Variants in GFOD1 observed in about 807,000 individuals in gnomAD.
GFOD1 encodes Gfo/Idh/MocA-like oxidoreductase domain containing 1.
A neutral mutation model predicts 25.4 loss-of-function variants in GFOD1; 9 were observed. That is an observed-to-expected ratio of 0.35 (90% CI 0.21 to 0.62). The LOEUF (loss-of-function observed/expected upper bound fraction) is 0.62. GFOD1 is among the 20% of genes least tolerant of loss of function. The pLI is 0.72. For missense variants in GFOD1, 403 were observed against 556.9 expected (o/e 0.72, Z 2.78); for synonymous variants, 253 against 245.6 (o/e 1.03, Z -0.28).
At chr6:13,469,735 A>T (rs965536185) in intron 1 of GFOD1, 15 of 1,172,460 alleles carry the variant, frequency 1.3e-5, no homozygotes, top group Non-Finnish European at 1.5e-5. Context: ...TTCAAATGTG[A>T]AAATAATACA....
chr6:13,364,717 C>T lies in GFOD1; in HGVS notation c.*26G>A, dbSNP rs759491246. On this transcript the variant is annotated 3_prime_UTR_variant, in exon 2 of 2. Transcript: ENST00000379287. This position sits in a 1 kb window ranked among gnomAD's most constrained non-coding sequence, Gnocchi z 4.1. ...CTGTGGACATCCCCTGCAGAAGGCT[C>T]AAGTCCCCGAGGTTCTCAATCTGTG... 1.7e-5 allele frequency: 27 copies of T among 1,580,768 alleles called. No individual in the cohort carries two copies. Among genetic ancestry groups the T allele is most frequent in the Non-Finnish European group, 2.2e-5 (25 of 1,159,662 alleles).
chr6:13,439,880 T>C (rs1178645555), intron 1 of GFOD1, among the ~76,000 whole-genome samples: 3 of 152,202 alleles, frequency 2.0e-5, no homozygotes, highest in Non-Finnish European at 4.4e-5. Context: ...TGCTCTAGGA[T>C]ACAGCCTGGG....
intron 1 of GFOD1, among the ~76,000 whole-genome samples, chr6:13,368,433 A>C (rs939469770): frequency 1.3e-5 from 2 of 152,238 alleles, no homozygotes; most frequent in African/African-American, 2.4e-5. Context: ...CCTGTGTAAC[A>C]TTATGTTCTG....
Position 13,460,539 on chromosome 6 carries a change from T to C in GFOD1, c.253+26099A>G, listed in dbSNP as rs190815437. Among the ~76,000 whole-genome samples the C allele has an allele frequency of 2.4e-3, 365 of 152,316 alleles. 1 individual carries two copies. The highest frequency in any genetic ancestry group is 4.1e-3 in the Non-Finnish European group (281 of 68,028). On this transcript the variant is annotated intron_variant, in intron 1 of 1. Coordinates refer to ENST00000379287, the MANE Select transcript of GFOD1 (RefSeq NM_018988.4). ...ACATGGATGGAGCTGGAAGCCATCA[T>C]TCTCAGCAAACTTCTGTTCCTGTGA...
intron 1 of GFOD1, among the ~76,000 whole-genome samples, chr6:13,446,053 C>T (rs1268997375): frequency 6.6e-6 from 1 of 152,224 alleles, no homozygotes; most frequent in African/African-American, 2.4e-5. Flanking sequence ...CAAAAATAGA[C>T]TAGCAGAGGG....
intron 1 of GFOD1, among the ~76,000 whole-genome samples, chr6:13,410,005 G>GTTTTTTTT (rs56252038): frequency 8.2e-6 from 1 of 121,634 alleles, no homozygotes; most frequent in African/African-American, 3.1e-5. Flanking sequence ...CGGATTTTTA[G>GTTTTTTTT]TTTTTTTTTT....
At chr6:13,467,710 T>C (rs916327872) in intron 1 of GFOD1, among the ~76,000 whole-genome samples, 2 of 152,234 alleles carry the variant, frequency 1.3e-5, no homozygotes, top group Non-Finnish European at 2.9e-5. Flanking sequence ...AGAAAAATGA[T>C]AGGACTGTTC....
intron 1 of GFOD1, among the ~76,000 whole-genome samples, chr6:13,379,612 T>C (rs1017376767): frequency 2.0e-5 from 3 of 152,218 alleles, no homozygotes; most frequent in African/African-American, 7.2e-5. Flanking sequence ...CAAGCCTTTC[T>C]TTGTTCCTTG....
chr6:13,426,328 G>A (rs928058707), intron 1 of GFOD1, among the ~76,000 whole-genome samples: 9 of 152,216 alleles, frequency 5.9e-5, no homozygotes, highest in African/African-American at 1.9e-4. Flanking sequence ...GGAAGCCACA[G>A]AAACAGGCGT....
At chr6:13,381,997 G>A (rs995034413) in intron 1 of GFOD1, among the ~76,000 whole-genome samples, 2 of 151,528 alleles carry the variant, frequency 1.3e-5, no homozygotes, top group Non-Finnish European at 2.9e-5. Flanking sequence ...TACCTGCGAA[G>A]TGCTTTGTAG....
chr6:13,390,776 A>G (rs1293174285), intron 1 of GFOD1, among the ~76,000 whole-genome samples: 2 of 66,724 alleles, frequency 3.0e-5, no homozygotes, highest in African/African-American at 3.4e-4. Context: ...AGAGAGAGAG[A>G]GAGAAAGGAA....
intron 1 of GFOD1, among the ~76,000 whole-genome samples, chr6:13,455,469 C>T (rs915771865): frequency 6.6e-6 from 1 of 152,096 alleles, no homozygotes; most frequent in East Asian, 1.9e-4. Flanking sequence ...ACCTGGGATG[C>T]GAACACAGGT....
chr6:13,405,315 T>C (rs1013647905), intron 1 of GFOD1, among the ~76,000 whole-genome samples: 8 of 152,372 alleles, frequency 5.3e-5, no homozygotes, highest in African/African-American at 1.7e-4. Context: ...CATTTTCTAA[T>C]AGCTACGTTA....
rs753543975 is a variant in GFOD1 at position 13,486,598 on chromosome 6, G to T, written c.253+40C>A. 5 of 1,569,560 alleles carry T rather than the reference G, an allele frequency of 3.2e-6. No homozygotes were observed. The East Asian group carries it at 1.1e-4, about 35-fold the overall frequency. ...GAAGGAACCTAGAGAAGGTTAAAGG[G>T]CGGGGGTGGGACGGAGGATGCGGGG... On this transcript the variant is annotated intron_variant, in intron 1 of 1. Coordinates refer to ENST00000379287, the MANE Select transcript of GFOD1 (RefSeq NM_018988.4).
intron 1 of GFOD1, among the ~76,000 whole-genome samples, chr6:13,416,044 AG>A (rs1786157372): frequency 6.6e-6 from 1 of 152,180 alleles, no homozygotes. Context: ...GACTGGATAA[AG>A]GGGGTGGTTT....
chr6:13,409,331 G>C (rs1402198745), intron 1 of GFOD1, among the ~76,000 whole-genome samples: 2 of 141,924 alleles, frequency 1.4e-5, no homozygotes, highest in South Asian at 2.3e-4. Flanking sequence ...GAAGGAAGGA[G>C]AGAAAGAGAG....
Position 13,364,400 on chromosome 6 carries a change from G to C in GFOD1, c.*343C>G, listed in dbSNP as rs1436377443. On this transcript the variant is annotated 3_prime_UTR_variant, in exon 2 of 2. Transcript: ENST00000379287. This position sits in a 1 kb window ranked among gnomAD's most constrained non-coding sequence, Gnocchi z 4.1. Reference sequence around the variant, plus strand: ...GGCTTGCAGAAGGCCAAGGTGTGTGGGATGGATGAGGTAGGGAGGGAAGCA... The same window carrying C: ...GGCTTGCAGAAGGCCAAGGTGTGTGCGATGGATGAGGTAGGGAGGGAAGCA... 1 of 280,566 alleles carries C rather than the reference G, an allele frequency of 3.6e-6. No individual in the cohort carries two copies. The highest frequency in any genetic ancestry group is 7.6e-5 in the East Asian group (1 of 13,216). The allele number at this position is 280,566 out of a possible 1,614,324, so 17.4% of individuals were successfully genotyped here. A position where few individuals can be genotyped will look rare whatever the true frequency, so the allele number is the denominator to read the frequency against.
At chr6:13,379,393 C>T (rs953280344) in intron 1 of GFOD1, among the ~76,000 whole-genome samples, 2 of 152,146 alleles carry the variant, frequency 1.3e-5, no homozygotes, top group Non-Finnish European at 2.9e-5. Flanking sequence ...CTTGGCCAAC[C>T]AGGGACACCA....
intron 1 of GFOD1, among the ~76,000 whole-genome samples, chr6:13,435,496 A>G (rs1208843229): frequency 6.6e-6 from 1 of 152,166 alleles, no homozygotes; most frequent in African/African-American, 2.4e-5. Context: ...CTAGACTGTT[A>G]GCTCCAAAGA....
Sources: allele counts gnomAD v4.1 joint callset (sites outside exome capture counted in the v4.1 genomes callset), GRCh38; gene constraint gnomAD v4.1.1; non-coding constraint Gnocchi (gnomAD v3.1); transcripts MANE v1.5; gene names NCBI Gene and HGNC (gene_info 2026-07-23, HGNC 2026-07-21).